Variants in GSK3B observed in about 807,000 individuals in gnomAD.
The protein encoded by GSK3B is glycogen synthase kinase 3 beta.
Under a neutral mutation model 56.4 loss-of-function variants are expected in GSK3B, and 15 were observed. The ratio of observed to expected loss-of-function variants is 0.27; its 90% CI spans 0.18 to 0.41. The LOEUF is 0.41. Among genes scored for constraint, GSK3B ranks in the 10% least tolerant of loss-of-function variants. GSK3B has a pLI of 1.00. For missense variants in GSK3B, 300 were observed against 513.4 expected, an observed-to-expected ratio of 0.58 and a Z score of 4.02; for synonymous variants, 181 against 188.9, an observed-to-expected ratio of 0.96 and a Z score of 0.34.
intron 7 of GSK3B, among the ~76,000 whole-genome samples, chr3:119,899,782 A>G (rs2056607887): frequency 6.6e-6 from 1 of 152,166 alleles, no homozygotes; most frequent in Non-Finnish European, 1.5e-5. Flanking sequence ...ATCACATAGT[A>G]GTAAAAAGCA....
At chr3:119,859,519 G>A (rs772584994) in intron 9 of GSK3B, among the ~76,000 whole-genome samples, 1 of 152,096 alleles carries the variant, frequency 6.6e-6, no homozygotes, top group Non-Finnish European at 1.5e-5. Flanking sequence ...AACTTTTGAT[G>A]AGCTTGGATT....
At chr3:120,045,818 T>C (rs2058098146) in intron 1 of GSK3B, among the ~76,000 whole-genome samples, 1 of 152,190 alleles carries the variant, frequency 6.6e-6, no homozygotes, top group Admixed American at 6.5e-5. Flanking sequence ...TGCCCAAAAG[T>C]AGAGGCAACC....
Position 119,909,658 on chromosome 3 carries a change from G to C in GSK3B, c.715+3046C>G, listed in dbSNP as rs147884838. On this transcript the variant is annotated intron_variant, in intron 6 of 10. Coordinates refer to ENST00000264235, the MANE Select transcript of GSK3B (RefSeq NM_001146156.2). ...CTTGAGAAGGTCAATGATGATTAAA[G>C]CTAATGGTCTCTATTCAGTTCCTTC... 3.5e-3 allele frequency among the ~76,000 whole-genome samples: 533 copies of C among 152,330 alleles called. 2 individuals are homozygous for C. The highest frequency in any genetic ancestry group is 0.013 in the African/African-American group (520 of 41,560).
intron 8 of GSK3B, among the ~76,000 whole-genome samples, chr3:119,873,747 C>T (rs991036908): frequency 6.6e-6 from 1 of 152,232 alleles, no homozygotes; most frequent in African/African-American, 2.4e-5. Context: ...AAAATTTCTG[C>T]ATCTGAATTT....
intron 1 of GSK3B, among the ~76,000 whole-genome samples, chr3:120,063,727 C>CAA (rs58811446): frequency 2.3e-4 from 19 of 81,710 alleles, no homozygotes; most frequent in South Asian, 1.3e-3. Flanking sequence ...GACTCTGTCT[C>CAA]AAAAAAAAAA....
chr3:120,085,557 T>C (rs1364950746), intron 1 of GSK3B, among the ~76,000 whole-genome samples: 1 of 152,248 alleles, frequency 6.6e-6, no homozygotes, highest in East Asian at 1.9e-4. Flanking sequence ...TGCTGTACTT[T>C]GCGAGGCTGA....
At chr3:120,049,355 G>A (rs770428591) in intron 1 of GSK3B, among the ~76,000 whole-genome samples, 1 of 152,156 alleles carries the variant, frequency 6.6e-6, no homozygotes, top group Non-Finnish European at 1.5e-5. Flanking sequence ...AAGGAAATAC[G>A]GTCAAATGGA....
chr3:119,890,358 G>A (rs2056487934), intron 7 of GSK3B, among the ~76,000 whole-genome samples: 1 of 151,874 alleles, frequency 6.6e-6, no homozygotes, highest in African/African-American at 2.4e-5. Context: ...TCAAAAACAT[G>A]GTACTGAGCA....
chr3:119,859,552 C>T (rs1262149787), intron 9 of GSK3B, among the ~76,000 whole-genome samples: 1 of 151,800 alleles, frequency 6.6e-6, no homozygotes, highest in Non-Finnish European at 1.5e-5. Flanking sequence ...CTTTTGTTGC[C>T]CATCTCCTAC....
At chr3:120,005,719 C>A (rs190230247) in intron 1 of GSK3B, among the ~76,000 whole-genome samples, 2,146 of 152,258 alleles carry the variant, frequency 0.014, 15 homozygotes, top group Non-Finnish European at 0.022. Flanking sequence ...TACGGACAAG[C>A]AAATGCTGAG....
At chr3:119,860,033 C>T (rs1719888) in intron 9 of GSK3B, among the ~76,000 whole-genome samples, 137,366 of 152,248 alleles carry the variant, frequency 0.9, 62,026 homozygotes, top group Admixed American at 0.93. Context: ...TCCTACCCTA[C>T]ACTCTCAGGA....
intron 2 of GSK3B, among the ~76,000 whole-genome samples, chr3:119,957,754 A>G (rs914975139): frequency 1.3e-5 from 2 of 152,222 alleles, no homozygotes. Flanking sequence ...AGAGAGGTTA[A>G]GAAATTTGGT....
chr3:119,865,454 AT>A (rs2056165874), intron 8 of GSK3B, among the ~76,000 whole-genome samples: 1 of 18,974 alleles, frequency 5.3e-5, no homozygotes, highest in Non-Finnish European at 1.4e-4. Context: ...ATATATATAT[AT>A]ATATATATAT....
At chr3:119,889,480 T>C (rs1447653163) in intron 7 of GSK3B, among the ~76,000 whole-genome samples, 1 of 152,134 alleles carries the variant, frequency 6.6e-6, no homozygotes, top group Non-Finnish European at 1.5e-5. Context: ...CATGGTACAT[T>C]ACTACTTGAA....
At chr3:119,973,780 T>A (rs2057388241) in intron 2 of GSK3B, among the ~76,000 whole-genome samples, 1 of 152,168 alleles carries the variant, frequency 6.6e-6, no homozygotes, top group Non-Finnish European at 1.5e-5. Context: ...AGAACACATG[T>A]ATAAGAAAAA....
intron 9 of GSK3B, among the ~76,000 whole-genome samples, chr3:119,857,082 C>A (rs1326904621): frequency 6.6e-6 from 1 of 152,170 alleles, no homozygotes; most frequent in Non-Finnish European, 1.5e-5. Context: ...TACTTTATCA[C>A]TAAAAAATCC....
At position 119,923,422 on chromosome 3, in the gene GSK3B, G is replaced by A; in HGVS notation, c.428C>T (p.Ala143Val). 1 of 1,604,810 alleles carries A rather than the reference G, an allele frequency of 6.2e-7. No individual in the cohort carries two copies. ...DYVPETVYRV[A>V]RHYSRAKQTL... ...CTGTTTGGCTCGACTATAGTGTCTGGCAACTCTGTATACTGTTTCCGGAAC... is the reference window on the plus strand; with the variant it reads ...CTGTTTGGCTCGACTATAGTGTCTGACAACTCTGTATACTGTTTCCGGAAC... Residue 143 changes from alanine to valine, a missense_variant, in exon 4 of 11, where the codon GCC (alanine) becomes GTC (valine). Physicochemically the swap from Ala to Val is moderately conservative, Grantham distance 64 (BLOSUM62 0). Transcript: ENST00000264235.
intron 7 of GSK3B, among the ~76,000 whole-genome samples, chr3:119,877,728 G>C (rs1380889547): frequency 1.3e-5 from 2 of 152,070 alleles, no homozygotes; most frequent in African/African-American, 4.8e-5. Flanking sequence ...TGTCAAAAAA[G>C]TATAATTACA....
At chr3:119,959,583 C>T (rs1020142725) in intron 2 of GSK3B, among the ~76,000 whole-genome samples, 1 of 145,998 alleles carries the variant, frequency 6.8e-6, no homozygotes, top group African/African-American at 2.5e-5. Flanking sequence ...GGCATGATCT[C>T]AGCTCACTGC....
Sources: gnomAD v4.1 joint callset for allele counts (sites outside exome capture counted in the v4.1 genomes callset) on GRCh38, gnomAD v4.1.1 for gene constraint, MANE v1.5 for transcripts, NCBI Gene and HGNC (gene_info 2026-07-23, HGNC 2026-07-21) for gene names.